The following PTPRO variants were observed in gnomAD, a reference collection of about 807,000 sequenced individuals.
PTPRO encodes receptor-type tyrosine-protein phosphatase O.
In PTPRO, 62 loss-of-function variants were observed where a neutral mutation model predicts 145.2. That is an observed-to-expected ratio of 0.43 (90% CI 0.35 to 0.53). The LOEUF (loss-of-function observed/expected upper bound fraction) is 0.53. PTPRO is among the 20% of genes least tolerant of loss of function. The probability of loss-of-function intolerance (pLI) is 0.01; values close to 1 mark genes in which losing one functional copy is unlikely to be tolerated. For synonymous variants in PTPRO, 565 were observed against 514.7 expected, an observed-to-expected ratio of 1.10 and a Z score of -1.32; for missense variants, 1,345 against 1,482.7, an observed-to-expected ratio of 0.91 and a Z score of 1.53.
At chr12:15,388,408 CT>C (rs930849002) in intron 1 of PTPRO, among the ~76,000 whole-genome samples, 27 of 152,020 alleles carry the variant, frequency 1.8e-4, no homozygotes, top group Non-Finnish European at 3.2e-4. Context: ...TGCACTGAAG[CT>C]TTTTTCTTCC....
intron 1 of PTPRO, among the ~76,000 whole-genome samples, chr12:15,470,911 GC>G (rs1565649091): frequency 1.3e-5 from 2 of 152,180 alleles, no homozygotes; most frequent in African/African-American, 4.8e-5. Context: ...TCTTTGGCTA[GC>G]AGGGGTTTAT....
intron 7 of PTPRO, among the ~76,000 whole-genome samples, chr12:15,513,413 T>C (rs929024899): frequency 2.6e-5 from 4 of 152,194 alleles, no homozygotes; most frequent in Middle Eastern, 3.4e-3. Flanking sequence ...TGAAAGAGTA[T>C]AAATATGAAA....
At chr12:15,407,488 C>T (rs1939680011) in intron 1 of PTPRO, among the ~76,000 whole-genome samples, 1 of 152,092 alleles carries the variant, frequency 6.6e-6, no homozygotes, top group Non-Finnish European at 1.5e-5. Flanking sequence ...GTGAGAGAAA[C>T]AGAAAAATCA....
chr12:15,451,952 A>T (rs888645753), intron 1 of PTPRO, among the ~76,000 whole-genome samples: 3 of 152,180 alleles, frequency 2.0e-5, no homozygotes, highest in Admixed American at 2.0e-4. Context: ...AAACAAGAAC[A>T]AACCAAACTC....
chr12:15,387,760 A>C (rs953346790), intron 1 of PTPRO, among the ~76,000 whole-genome samples: 8 of 152,218 alleles, frequency 5.3e-5, no homozygotes, highest in East Asian at 3.8e-4. Flanking sequence ...AATCAGAGGA[A>C]TCATGATAGA....
intron 25 of PTPRO, among the ~76,000 whole-genome samples, chr12:15,594,308 T>A (rs949238608): frequency 6.6e-6 from 1 of 152,084 alleles, no homozygotes; most frequent in African/African-American, 2.4e-5. Context: ...ATTTATTAAA[T>A]TACCTGGAAT....
At chr12:15,423,432 G>A (rs770608710) in intron 1 of PTPRO, among the ~76,000 whole-genome samples, 3 of 151,756 alleles carry the variant, frequency 2.0e-5, no homozygotes, top group African/African-American at 4.8e-5. Flanking sequence ...TTTAATTATA[G>A]TTTATTTCTC....
intron 1 of PTPRO, among the ~76,000 whole-genome samples, chr12:15,476,574 A>C (rs1396562570): frequency 6.7e-6 from 1 of 150,234 alleles, no homozygotes; most frequent in Non-Finnish European, 1.5e-5. Flanking sequence ...GTTTAATTAG[A>C]TCCCATTTGT....
At chr12:15,448,101 A>G (rs1940948447) in intron 1 of PTPRO, among the ~76,000 whole-genome samples, 1 of 152,050 alleles carries the variant, frequency 6.6e-6, no homozygotes, top group South Asian at 2.1e-4. Context: ...GCAATATAGA[A>G]CTACTCTGAA....
intron 1 of PTPRO, among the ~76,000 whole-genome samples, chr12:15,449,774 G>A (rs1263690809): frequency 1.3e-5 from 2 of 152,098 alleles, no homozygotes; most frequent in Non-Finnish European, 2.9e-5. Flanking sequence ...AATCTAAGAT[G>A]TTACAGTAGG....
At chr12:15,560,492 G>GT (rs898760739) in intron 17 of PTPRO, among the ~76,000 whole-genome samples, 18 of 151,984 alleles carry the variant, frequency 1.2e-4, no homozygotes, top group Admixed American at 2.0e-4. Context: ...GTTGGCAAGC[G>GT]TTTTTTCCCA....
At chr12:15,526,037 A>G (rs1591686994) in intron 11 of PTPRO, 105 bp from the exon 12 acceptor site, 4 of 1,391,476 alleles carry the variant, frequency 2.9e-6, no homozygotes, top group East Asian at 4.6e-5. Context: ...AGACTGCTGC[A>G]TAGAACAGAG....
intron 12 of PTPRO, among the ~76,000 whole-genome samples, chr12:15,545,890 C>T (rs1943275430): frequency 1.3e-5 from 2 of 151,774 alleles, no homozygotes; most frequent in African/African-American, 4.8e-5. Context: ...AAAAATAAGC[C>T]AGGTAGTCCC....
intron 1 of PTPRO, among the ~76,000 whole-genome samples, chr12:15,336,825 C>T (rs1591711459): frequency 1.3e-5 from 2 of 152,112 alleles, no homozygotes; most frequent in East Asian, 3.9e-4. Flanking sequence ...AATTTCTTTT[C>T]CTCTTTGATC....
At chr12:15,389,833 A>T (rs1939139926) in intron 1 of PTPRO, among the ~76,000 whole-genome samples, 1 of 152,156 alleles carries the variant, frequency 6.6e-6, no homozygotes, top group African/African-American at 2.4e-5. Context: ...TTGAGAAGAA[A>T]ATTGGACTTA....
At chr12:15,592,270 A>T (rs534020279) in intron 25 of PTPRO, among the ~76,000 whole-genome samples, 1 of 152,318 alleles carries the variant, frequency 6.6e-6, no homozygotes, top group South Asian at 2.1e-4. Flanking sequence ...AGAACAAAGT[A>T]AAAAAAGGTT....
chr12:15,590,079 T>C (rs1338269580), intron 25 of PTPRO, among the ~76,000 whole-genome samples: 1 of 152,204 alleles, frequency 6.6e-6, no homozygotes, highest in Non-Finnish European at 1.5e-5. Context: ...AGATTCCCAG[T>C]CCCCAACCTA....
chr12:15,560,900 T>C (rs1280836171), intron 17 of PTPRO, among the ~76,000 whole-genome samples: 1 of 152,156 alleles, frequency 6.6e-6, no homozygotes, highest in African/African-American at 2.4e-5. Flanking sequence ...CAGGTCTCTC[T>C]GAAATCTATT....
At chr12:15,424,020 C>A (rs1940216896) in intron 1 of PTPRO, among the ~76,000 whole-genome samples, 1 of 152,196 alleles carries the variant, frequency 6.6e-6, no homozygotes, top group Non-Finnish European at 1.5e-5. Context: ...GCTAATAGGA[C>A]AAGCAGCCTG....
Sources: allele counts gnomAD v4.1 joint callset (sites outside exome capture counted in the v4.1 genomes callset), GRCh38; gene constraint gnomAD v4.1.1; transcripts MANE v1.5; gene names NCBI Gene and HGNC (gene_info 2026-07-23, HGNC 2026-07-21).